C6orf89: variants seen among roughly 807,000 people sequenced by gnomAD.
The protein encoded by C6orf89 is chromosome 6 open reading frame 89.
A neutral mutation model predicts 40.7 loss-of-function variants in C6orf89; 29 were observed. The observed-to-expected ratio is 0.71, with a 90% CI of 0.53 to 0.97. C6orf89 has a LOEUF of 0.97. Ranked by LOEUF, C6orf89 falls within the 50% of genes least tolerant of loss-of-function variation. C6orf89 has a pLI of 0.00. For synonymous variants in C6orf89, 165 were observed against 152.2 expected (o/e 1.08, Z -0.62); for missense variants, 392 against 429.1 (o/e 0.91, Z 0.76).
rs1247655880 is a variant in C6orf89, at chr6:36,914,593, T to C, written c.595T>C (p.Leu199=). 6.2e-7 allele frequency: 1 copy of C among 1,614,230 alleles called. No individual in the cohort carries two copies. Among genetic ancestry groups the C allele is most frequent in the East Asian group, 2.2e-5 (1 of 44,886 alleles). ...GTTGGAGGAAGAGATTCAGCATTTT[T>C]TGTGCCAGTACCCTGAGGCGACAGA... ...PLLEEEIQHF[L]CQYPEATEGF... is the part of the protein sequence containing the mutation. The change falls in exon 6 of 9, where the codon TTG becomes CTG. Residue 199 remains leucine, a synonymous_variant. Transcript: ENST00000480824.
chr6:36,887,521 T>G (rs1476879687), intron 1 of C6orf89, among the ~76,000 whole-genome samples: 2 of 152,152 alleles, frequency 1.3e-5, no homozygotes, highest in South Asian at 4.1e-4. Flanking sequence ...GGACAAAAAC[T>G]GAGGTCAGAG....
intron 4 of C6orf89, among the ~76,000 whole-genome samples, chr6:36,911,932 C>CT (rs56760506): frequency 3.9e-5 from 3 of 76,462 alleles, no homozygotes; most frequent in Admixed American, 1.4e-4. Context: ...CACAGTGAAC[C>CT]CCCCCCCCCC....
intron 1 of C6orf89, among the ~76,000 whole-genome samples, chr6:36,876,970 G>T (rs72846083): frequency 0.19 from 29,526 of 152,090 alleles, 3,678 homozygotes; most frequent in East Asian, 0.34. Flanking sequence ...TCCTCCCAAA[G>T]GGTAGACCAC....
intron 2 of C6orf89, among the ~76,000 whole-genome samples, chr6:36,880,599 G>T (rs538667864): frequency 6.4e-5 from 8 of 124,578 alleles, no homozygotes; most frequent in African/African-American, 2.3e-4. Flanking sequence ...TATTGATAAA[G>T]ACATTTTGTC....
upstream of C6orf89, among the ~76,000 whole-genome samples, chr6:36,883,876 A>G (rs1487072271): frequency 2.0e-5 from 3 of 152,256 alleles, no homozygotes; most frequent in South Asian, 6.2e-4. Flanking sequence ...TCCTTTGAAA[A>G]TTATACTAAG....
chr6:36,879,022 G>A (rs1774733452), exon 2 of C6orf89: 2 of 152,456 alleles, frequency 1.3e-5, no homozygotes, highest in Non-Finnish European at 2.9e-5. Flanking sequence ...TGTCAGGAAT[G>A]GGATCTAAAG....
intron 1 of C6orf89, among the ~76,000 whole-genome samples, chr6:36,889,114 A>G (rs1775099282): frequency 6.6e-6 from 1 of 152,198 alleles, no homozygotes; most frequent in South Asian, 2.1e-4. Context: ...TAAGAAGGTC[A>G]AGGATAACTG....
intron 4 of C6orf89, among the ~76,000 whole-genome samples, chr6:36,903,608 C>T (rs959949773): frequency 3.3e-5 from 5 of 151,910 alleles, no homozygotes; most frequent in Non-Finnish European, 5.9e-5. Context: ...TATAGGTGCC[C>T]GCCACCACGC....
chr6:36,888,271 T>C (rs1775068581), intron 1 of C6orf89, among the ~76,000 whole-genome samples: 1 of 152,194 alleles, frequency 6.6e-6, no homozygotes, highest in African/African-American at 2.4e-5. Flanking sequence ...TTAGTCACCA[T>C]GCTAAACTGC....
intron 3 of C6orf89, among the ~76,000 whole-genome samples, chr6:36,899,910 G>A (rs831382): frequency 0.052 from 7,936 of 152,176 alleles, 347 homozygotes; most frequent in African/African-American, 0.1. Flanking sequence ...GTTTTGAGAC[G>A]GAGTCTCACT....
rs11542163 is a variant in C6orf89 at position 36,919,700 on chromosome 6, C to T, written c.948C>T (p.Ile316=). The T allele has an allele frequency of 0.094, 151,664 of 1,609,384 alleles. 8,445 individuals carry two copies. Among genetic ancestry groups the T allele is most frequent in the African/African-American group, 0.24 (17,968 of 74,818 alleles). Residue 316 remains isoleucine (I), a splice_region_variant and synonymous_variant, in exon 8 of 9, where the codon ATC becomes ATT. Transcript: ENST00000480824. The part of the protein sequence containing the change: ...SVAMPIEPGD[I]GYVDTTHWKV... ...CCATGCCAATAGAGCCAGGGGATAT[C>T]GGTATGTAGGGCCCCAGGAGGGCAG...
chr6:36,910,287 A>G (rs1287788371), intron 4 of C6orf89, among the ~76,000 whole-genome samples: 3 of 152,094 alleles, frequency 2.0e-5, no homozygotes, highest in African/African-American at 7.2e-5. Flanking sequence ...TATGTTATCT[A>G]TTTGTATCTT....
At chr6:36,876,765 A>AAC (rs70975192) in intron 1 of C6orf89, among the ~76,000 whole-genome samples, 19,647 of 136,314 alleles carry the variant, frequency 0.14, 1,748 homozygotes, top group East Asian at 0.21. Flanking sequence ...AAGAAGAAGA[A>AAC]ACACAGTTTT....
chr6:36,928,646 T>A lies in C6orf89; in HGVS notation c.*5205T>A, dbSNP rs1762762288. On this transcript the variant is annotated 3_prime_UTR_variant, in exon 9 of 9. Coordinates refer to ENST00000480824, the MANE Select transcript of C6orf89 (RefSeq NM_001286635.2). The stretch of plus-strand genomic sequence containing the variant: ...AAGGGTCAGTAACCAATGCCGAGGG[T>A]CGGGGAAGGAGGAGTCACAGGCAAG... 1 of 152,150 alleles carries A rather than the reference T, an allele frequency of 6.6e-6. No homozygotes were observed. Among genetic ancestry groups the A allele is most frequent in the East Asian group, 1.9e-4 (1 of 5,182 alleles). 9.4% of individuals were successfully genotyped at this position (152,150 alleles called of 1,614,324 possible). A position where few individuals can be genotyped will look rare whatever the true frequency, so the allele number is the denominator to read the frequency against.
chr6:36,916,367 AC>A (rs1762321447), intron 6 of C6orf89, 77 bp from the exon 7 acceptor site: 1 of 1,574,094 alleles, frequency 6.4e-7, no homozygotes, highest in Admixed American at 1.8e-5. Flanking sequence ...CAGTTTTCCC[AC>A]CCTTACTTGG....
At chr6:36,879,094 T>G (rs766115100) in exon 2 of C6orf89, 2 of 153,732 alleles carry the variant, frequency 1.3e-5, no homozygotes, top group Non-Finnish European at 2.9e-5. Context: ...CAGGATCCAC[T>G]TGTGTCTATT....
intron 6 of C6orf89, among the ~76,000 whole-genome samples, chr6:36,916,000 C>T (rs371863941): frequency 1.2e-4 from 19 of 152,214 alleles, no homozygotes; most frequent in Admixed American, 7.8e-4. Context: ...TGTTTGTTTG[C>T]GTGCTAGAGT....
In C6orf89 at chr6:36,923,766, T is replaced by A; in HGVS notation, c.*325T>A. On this transcript the variant is annotated 3_prime_UTR_variant, in exon 9 of 9. Transcript: ENST00000480824. Reference sequence around the variant, plus strand: ...TCAGGCAGGAAACAGGGCTGGTGCCTTTCTTCACCTGCATGGCCAGCTTCC... The same window carrying A: ...TCAGGCAGGAAACAGGGCTGGTGCCATTCTTCACCTGCATGGCCAGCTTCC... 2.7e-6 allele frequency: 1 copy of A among 363,742 alleles called. No homozygotes were observed. The highest frequency in any genetic ancestry group is 5.4e-6 in the Non-Finnish European group (1 of 186,880). 22.5% of individuals were successfully genotyped at this position (363,742 alleles called of 1,614,324 possible).
chr6:36,902,060 A>G (rs1276974259), intron 3 of C6orf89, among the ~76,000 whole-genome samples, 161 bp from the exon 4 acceptor site: 2 of 152,194 alleles, frequency 1.3e-5, no homozygotes, highest in Non-Finnish European at 2.9e-5. Context: ...CTCAAATTCT[A>G]AATTCTTCCA....
Sources: gnomAD v4.1 joint callset for allele counts (sites outside exome capture counted in the v4.1 genomes callset) on GRCh38, gnomAD v4.1.1 for gene constraint, MANE v1.5 for transcripts, NCBI Gene and HGNC (gene_info 2026-07-23, HGNC 2026-07-21) for gene names.